The following ADAM22 variants were observed in gnomAD, a reference collection of about 807,000 sequenced individuals.
ADAM22 encodes the protein ADAM metallopeptidase domain 22.
Under a neutral mutation model 144.6 loss-of-function variants are expected in ADAM22, and 65 were observed. That is an observed-to-expected ratio of 0.45 (90% CI 0.37 to 0.55). The LOEUF is 0.55. Among genes scored for constraint, ADAM22 ranks in the 20% least tolerant of loss-of-function variants. ADAM22 has a pLI of 0.00. For missense variants in ADAM22, 974 were observed against 1,184.9 expected (o/e 0.82, Z 2.61); for synonymous variants, 391 against 412.6 (o/e 0.95, Z 0.63).
intron 17 of ADAM22, among the ~76,000 whole-genome samples, chr7:88,148,098 G>T (rs1206039829): frequency 6.6e-6 from 1 of 152,124 alleles, no homozygotes; most frequent in Non-Finnish European, 1.5e-5. Context: ...CATGTTCTAG[G>T]AACAGCAGGA....
rs928408645 is a variant in ADAM22, at chr7:87,994,836, T to C, written c.323+16424T>C. 1.8e-4 allele frequency among the ~76,000 whole-genome samples: 27 copies of C among 152,262 alleles called. 1 individual carries two copies. The highest frequency in any genetic ancestry group is 6.5e-4 in the Admixed American group (10 of 15,298). On this transcript the variant is annotated intron_variant, in intron 3 of 31. Transcript: ENST00000413139. ...GAAACAGCTTTCTAGCATTGTATTT[T>C]TTTTTTTTGGAGACGGAGTCTTGCT... is the stretch of plus-strand genomic sequence containing the variant.
At chr7:88,114,193 G>T (rs900836567) in intron 5 of ADAM22, among the ~76,000 whole-genome samples, 3 of 152,098 alleles carry the variant, frequency 2.0e-5, no homozygotes, top group Non-Finnish European at 4.4e-5. Context: ...AGGATCACCT[G>T]GAGCTTATTT....
At chr7:87,977,316 AC>A (rs1488339589) in intron 2 of ADAM22, among the ~76,000 whole-genome samples, 2 of 152,168 alleles carry the variant, frequency 1.3e-5, no homozygotes, top group Non-Finnish European at 2.9e-5. Context: ...GGTTGAGGTC[AC>A]CTGTGGCCCC....
chr7:88,181,904 C>A, intron 28 of ADAM22, 54 bp from the exon 29 acceptor site: 1 of 1,500,582 alleles, frequency 6.7e-7, no homozygotes, highest in Non-Finnish European at 9.2e-7. Flanking sequence ...CGTAATTAGA[C>A]ATAGGGCAAT....
At chr7:88,048,217 C>T (rs1413684960) in intron 3 of ADAM22, among the ~76,000 whole-genome samples, 2 of 152,090 alleles carry the variant, frequency 1.3e-5, no homozygotes, top group Non-Finnish European at 2.9e-5. Flanking sequence ...TTAATAGTTA[C>T]ATAGTATGCC....
intron 3 of ADAM22, among the ~76,000 whole-genome samples, chr7:88,007,264 G>A (rs1000428090): frequency 4.6e-5 from 7 of 152,100 alleles, no homozygotes; most frequent in Non-Finnish European, 5.9e-5. Context: ...CAAACAAATG[G>A]AAGAACATTC....
intron 30 of ADAM22, among the ~76,000 whole-genome samples, chr7:88,187,779 G>T (rs545016447): frequency 4.6e-5 from 7 of 152,150 alleles, no homozygotes; most frequent in Non-Finnish European, 7.3e-5. Context: ...CTCTTCCAGT[G>T]TACCATTTAG....
intron 3 of ADAM22, among the ~76,000 whole-genome samples, chr7:88,044,740 T>A (rs374179302): frequency 4.0e-5 from 6 of 149,942 alleles, no homozygotes; most frequent in African/African-American, 1.5e-4. Context: ...GGCCTTTTTT[T>A]TTGAGAGGAA....
chr7:87,985,667 T>G (rs926527754), intron 3 of ADAM22, among the ~76,000 whole-genome samples: 1 of 152,204 alleles, frequency 6.6e-6, no homozygotes, highest in Non-Finnish European at 1.5e-5. Context: ...TAAATATTAT[T>G]GCATTGTATT....
intron 9 of ADAM22, 55 bp from the exon 10 acceptor site, chr7:88,130,333 A>G (rs1337563166): frequency 1.5e-6 from 2 of 1,372,350 alleles, no homozygotes; most frequent in Non-Finnish European, 2.0e-6. Flanking sequence ...CTCTGATGAG[A>G]TGATTGTTTT....
At chr7:87,979,989 C>T (rs1005060047) in intron 3 of ADAM22, among the ~76,000 whole-genome samples, 2 of 152,102 alleles carry the variant, frequency 1.3e-5, no homozygotes, top group African/African-American at 4.8e-5. Flanking sequence ...TTTTAATACT[C>T]AAACAAAGAA....
At chr7:88,123,740 A>T (rs1017110670) in intron 7 of ADAM22, among the ~76,000 whole-genome samples, 1 of 151,882 alleles carries the variant, frequency 6.6e-6, no homozygotes, top group Admixed American at 6.6e-5. Flanking sequence ...AACCACTTAA[A>T]GCTATGCATT....
rs899484697 is a variant in ADAM22 at position 88,193,141 on chromosome 7, T to C, written c.2776T>C (p.Ser926Pro). ...FRTLSPAKSP[S>P]SSTGSIASSR... is the part of the protein sequence containing the mutation. ...GACTTTATCTCCTGCCAAGTCTCCT[T>C]CTTCATCAACTGGGTCTATTGCCTC... The change falls in exon 31 of 32, where the codon TCT becomes CCT. Residue 926 changes from serine to proline, a missense_variant. By Grantham distance (74) the Ser-to-Pro change is moderately conservative. Coordinates refer to ENST00000413139, the MANE Select transcript of ADAM22 (RefSeq NM_001324418.2). 1 of 1,614,102 alleles carries C rather than the reference T, an allele frequency of 6.2e-7. No individual in the cohort carries two copies. The highest frequency in any genetic ancestry group is 1.7e-5 in the Admixed American group (1 of 60,014).
At chr7:88,023,818 C>T (rs1478047796) in intron 3 of ADAM22, among the ~76,000 whole-genome samples, 1 of 139,288 alleles carries the variant, frequency 7.2e-6, no homozygotes, top group Non-Finnish European at 1.7e-5. Flanking sequence ...TCCTTAGCTA[C>T]CCCCACTTCC....
chr7:88,165,140 A>T (rs1842653442), intron 23 of ADAM22, among the ~76,000 whole-genome samples: 6 of 152,034 alleles, frequency 3.9e-5, no homozygotes, highest in Admixed American at 3.3e-4. Flanking sequence ...TTCTCTACTC[A>T]AGGTTGTTTT....
chr7:88,063,036 T>C, intron 3 of ADAM22, among the ~76,000 whole-genome samples: 1 of 152,188 alleles, frequency 6.6e-6, no homozygotes. Context: ...GTTTTAAATA[T>C]TGTGAGAATT....
chr7:88,164,106 A>T (rs1842405488), intron 23 of ADAM22, among the ~76,000 whole-genome samples: 1 of 152,112 alleles, frequency 6.6e-6, no homozygotes, highest in Admixed American at 6.6e-5. Flanking sequence ...AGTAGAGCAG[A>T]CATGTACTAA....
intron 2 of ADAM22, 70 bp from the exon 3 acceptor site, chr7:87,978,266 A>G (rs1257071524): frequency 8.5e-6 from 10 of 1,182,450 alleles, no homozygotes; most frequent in Non-Finnish European, 1.2e-5. Flanking sequence ...TGAAATAATC[A>G]TAAGAAAGAC....
At chr7:87,949,461 A>C (rs1844494908) in intron 2 of ADAM22, among the ~76,000 whole-genome samples, 1 of 152,226 alleles carries the variant, frequency 6.6e-6, no homozygotes, top group African/African-American at 2.4e-5. Context: ...TTTCCAACAA[A>C]AATAAATTCA....
Sources: gnomAD v4.1 joint callset for allele counts (sites outside exome capture counted in the v4.1 genomes callset) on GRCh38, gnomAD v4.1.1 for gene constraint, MANE v1.5 for transcripts, NCBI Gene and HGNC (gene_info 2026-07-23, HGNC 2026-07-21) for gene names.